Variants in GRK7 observed in about 807,000 individuals in gnomAD.
GRK7 encodes the protein rhodopsin kinase GRK7.
In GRK7, 24 loss-of-function variants were observed where a neutral mutation model predicts 34.1. That is an observed-to-expected ratio of 0.70 (90% CI 0.51 to 0.99). The LOEUF is 0.99. GRK7 is among the 50% of genes least tolerant of loss of function. GRK7 has a pLI of 0.00. For synonymous variants in GRK7, 256 were observed against 279.4 expected, an observed-to-expected ratio of 0.92 and a Z score of 0.84; for missense variants, 644 against 707.3, an observed-to-expected ratio of 0.91 and a Z score of 1.02.
At position 141,796,188 on chromosome 3, in the gene GRK7, C is replaced by T. The variant is rs573475400; in HGVS notation, c.1051-11457C>T. ...CCCTGCATGGGAGAGTGGGGGCTGA[C>T]GTCACATGGGAGGCTGGTTTGCTCC... On this transcript the variant is annotated intron_variant, in intron 4 of 5. Transcript: ENST00000682958. Among the ~76,000 whole-genome samples the T allele has an allele frequency of 3.3e-5, 5 of 152,268 alleles. No homozygotes were observed. In the South Asian group the frequency reaches 1.0e-3, roughly 32 times the overall value.
chr3:141,750,036 T>G, the GRK7 span, among the ~76,000 whole-genome samples: 2 of 151,868 alleles, frequency 1.3e-5, no homozygotes, highest in Non-Finnish European at 2.9e-5. Context: ...AAAAGAAATA[T>G]GAATATAAAA....
chr3:141,766,331 T>A (rs952295427), intron 1 of GRK7, among the ~76,000 whole-genome samples: 5 of 152,050 alleles, frequency 3.3e-5, no homozygotes, highest in African/African-American at 1.2e-4. Context: ...GCCCAGCTAG[T>A]TTTTTGTATT....
intron 4 of GRK7, among the ~76,000 whole-genome samples, chr3:141,785,882 T>C (rs1275145212): frequency 6.6e-6 from 1 of 150,938 alleles, no homozygotes; most frequent in Non-Finnish European, 1.5e-5. Context: ...AAGGCTTCAG[T>C]GAGCTATGAT....
the GRK7 span, among the ~76,000 whole-genome samples, chr3:141,755,754 A>C: frequency 6.6e-6 from 1 of 152,186 alleles, no homozygotes; most frequent in Non-Finnish European, 1.5e-5. Flanking sequence ...ATATGGAATA[A>C]CCACTTTGGA....
chr3:141,812,985 C>G (rs1192628053), intron 5 of GRK7, among the ~76,000 whole-genome samples: 1 of 152,180 alleles, frequency 6.6e-6, no homozygotes, highest in Non-Finnish European at 1.5e-5. Flanking sequence ...GTCTGGGGCT[C>G]ATTCCTGATT....
intron 4 of GRK7, among the ~76,000 whole-genome samples, chr3:141,786,753 G>C (rs935301920): frequency 6.6e-5 from 10 of 151,650 alleles, no homozygotes; most frequent in African/African-American, 1.7e-4. Context: ...ACTCCAGCCA[G>C]GGTGACAGAG....
rs186163296 is a variant in GRK7, at chr3:141,819,008, G to T, written c.*1958G>T. On this transcript the variant is annotated 3_prime_UTR_variant, in exon 6 of 6. Transcript: ENST00000682958. ...CCTAACCTAGGATGCTTAGATTTCTGTGTCACCAAAGCAGGATAGAAGTGT... is the reference window on the plus strand; with the variant it reads ...CCTAACCTAGGATGCTTAGATTTCTTTGTCACCAAAGCAGGATAGAAGTGT... Among the ~76,000 whole-genome samples, 153 of 152,136 alleles carry T rather than the reference G, an allele frequency of 1.0e-3. 1 individual carries two copies. Among genetic ancestry groups the T allele is most frequent in the Admixed American group, 7.5e-3 (114 of 15,274 alleles).
At chr3:141,762,796 C>T (rs141234092), upstream of GRK7, among the ~76,000 whole-genome samples, 724 of 152,342 alleles carry the variant, frequency 4.8e-3, 11 homozygotes, top group African/African-American at 0.017. Flanking sequence ...TGGGGTAGGA[C>T]CCTCCGAGCC....
At chr3:141,801,204 G>A (rs1024067066) in intron 4 of GRK7, among the ~76,000 whole-genome samples, 3 of 151,632 alleles carry the variant, frequency 2.0e-5, no homozygotes, top group Non-Finnish European at 2.9e-5. Context: ...CCAGCTACTC[G>A]GGAGGCTGAG....
intron 4 of GRK7, among the ~76,000 whole-genome samples, chr3:141,806,258 T>A (rs184889185): frequency 3.3e-5 from 5 of 152,268 alleles, no homozygotes; most frequent in Non-Finnish European, 7.4e-5. Flanking sequence ...CTCTGTCATA[T>A]CGCTCTCTGA....
At chr3:141,771,733 G>A (rs2084618039) in intron 1 of GRK7, among the ~76,000 whole-genome samples, 1 of 151,914 alleles carries the variant, frequency 6.6e-6, no homozygotes, top group African/African-American at 2.4e-5. Context: ...CACCCAGGCT[G>A]GAGAGCAGTG....
rs938606132 is a variant in GRK7 at position 141,817,325 on chromosome 3, C to G, written c.*275C>G. The G allele has an allele frequency of 2.6e-5, 9 of 343,480 alleles. No individual in the cohort carries two copies. The highest frequency in any genetic ancestry group is 1.7e-4 in the Admixed American group (4 of 23,158). The allele number at this position is 343,480 out of a possible 1,614,324, so 21.3% of individuals were successfully genotyped here. A position where few individuals can be genotyped will look rare whatever the true frequency, so the allele number is the denominator to read the frequency against. On this transcript the variant is annotated 3_prime_UTR_variant, in exon 6 of 6. Transcript: ENST00000682958. ...ACTGAAAGCATCAGCCTTTTACCATCATGTCCCTGTGTATTACGCAAAGTC... is the reference window on the plus strand; with the variant it reads ...ACTGAAAGCATCAGCCTTTTACCATGATGTCCCTGTGTATTACGCAAAGTC...
At position 141,765,445 on chromosome 3, in the gene GRK7, T is replaced by C. The variant is rs2084576382; in HGVS notation, c.-508T>C. 6.6e-6 allele frequency among the ~76,000 whole-genome samples: 1 copy of C among 152,140 alleles called. No homozygotes were observed. The highest frequency in any genetic ancestry group is 1.9e-4 in the East Asian group (1 of 5,194). ...TCTTCACAGCACTTACCACCATCTG[T>C]GGTGGGTTGGAAAACATGGCCACAG... On this transcript the variant is annotated 5_prime_UTR_variant, in exon 1 of 6. Transcript: ENST00000682958.
intron 4 of GRK7, among the ~76,000 whole-genome samples, chr3:141,800,830 CAGAA>C: frequency 6.6e-6 from 1 of 152,156 alleles, no homozygotes; most frequent in East Asian, 1.9e-4. Flanking sequence ...TCTGGACAGA[CAGAA>C]ATGTTTTATA....
intron 4 of GRK7, among the ~76,000 whole-genome samples, chr3:141,781,468 C>T (rs1174999205): frequency 1.3e-5 from 2 of 149,094 alleles, no homozygotes; most frequent in African/African-American, 4.9e-5. Context: ...ACCCAGGAGG[C>T]GGAAGTTGTA....
chr3:141,810,359 T>TCCCATCCCTCCTTCCCTTC, intron 5 of GRK7, among the ~76,000 whole-genome samples: 1 of 136,466 alleles, frequency 7.3e-6, no homozygotes. Context: ...TTTCTCTCTC[T>TCCCATCCCTCCTTCCCTTC]CTCTCCCATC....
chr3:141,789,178 G>A (rs1249257412), intron 4 of GRK7, among the ~76,000 whole-genome samples: 3 of 152,156 alleles, frequency 2.0e-5, no homozygotes, highest in African/African-American at 4.8e-5. Context: ...TGATTTACTG[G>A]ACTATCAATC....
intron 1 of GRK7, among the ~76,000 whole-genome samples, chr3:141,767,416 G>C (rs1162702362): frequency 8.0e-6 from 1 of 124,326 alleles, no homozygotes. Context: ...TTTTTTTTTT[G>C]AGACAGGGTC....
intron 5 of GRK7, among the ~76,000 whole-genome samples, chr3:141,814,907 G>A (rs1711134632): frequency 6.8e-6 from 1 of 147,154 alleles, no homozygotes; most frequent in African/African-American, 2.5e-5. Flanking sequence ...TTGTTTGGTT[G>A]GTTTGTTGGT....
Sources: allele counts gnomAD v4.1 joint callset (sites outside exome capture counted in the v4.1 genomes callset), GRCh38; gene constraint gnomAD v4.1.1; transcripts MANE v1.5; gene names NCBI Gene and HGNC (gene_info 2026-07-23, HGNC 2026-07-21).